Variants in AHCYL2 observed in about 807,000 individuals in gnomAD.
AHCYL2 encodes the protein adenosylhomocysteinase like 2, also known as S-adenosylhomocysteine hydrolase-like protein 2.
In AHCYL2, 28 loss-of-function variants were observed where a neutral mutation model predicts 81.4. That is an observed-to-expected ratio of 0.34 (90% confidence interval 0.25 to 0.47). AHCYL2 has a LOEUF of 0.47. Among genes scored for constraint, AHCYL2 ranks in the 20% least tolerant of loss-of-function variants. AHCYL2 has a pLI of 1.00. For missense variants in AHCYL2, 551 were observed against 785.1 expected (o/e 0.70, Z 3.56); for synonymous variants, 272 against 290.2 (o/e 0.94, Z 0.64).
chr7:129,361,277 C>A (rs1376432693), intron 1 of AHCYL2, among the ~76,000 whole-genome samples: 2 of 152,194 alleles, frequency 1.3e-5, no homozygotes, highest in African/African-American at 4.8e-5. Context: ...CTCCAACACA[C>A]ACCAGGTAAC....
At position 129,338,261 on chromosome 7, in the gene AHCYL2, G is replaced by A. The variant is rs149717559; in HGVS notation, c.364-41377G>A. ...ACTCCTTGGCTCAAGCAATCCTCCT[G>A]CCTCAGCCTTCTGAGTAGCTAGGAC... is the stretch of plus-strand genomic sequence containing the variant. On this transcript the variant is annotated intron_variant, in intron 1 of 16. Coordinates refer to ENST00000325006, the MANE Select transcript of AHCYL2 (RefSeq NM_015328.4). 2.6e-5 allele frequency among the ~76,000 whole-genome samples: 4 copies of A among 151,884 alleles called. No individual in the cohort carries two copies. In the East Asian group the frequency reaches 7.7e-4, roughly 29 times the overall value.
intron 1 of AHCYL2, among the ~76,000 whole-genome samples, chr7:129,261,510 G>T (rs1370338662): frequency 6.6e-6 from 1 of 152,106 alleles, no homozygotes; most frequent in Non-Finnish European, 1.5e-5. Context: ...CCTACTTTAT[G>T]TTATTTCTCT....
At chr7:129,340,062 G>A (rs1793113816) in intron 1 of AHCYL2, among the ~76,000 whole-genome samples, 1 of 150,698 alleles carries the variant, frequency 6.6e-6, no homozygotes, top group Non-Finnish European at 1.5e-5. Flanking sequence ...GGGACTACAG[G>A]CGCACTCCGC....
At chr7:129,228,101 G>T (rs1261650752) in intron 1 of AHCYL2, among the ~76,000 whole-genome samples, 2 of 152,122 alleles carry the variant, frequency 1.3e-5, no homozygotes, top group Non-Finnish European at 2.9e-5. Context: ...CTTTGACCTT[G>T]ACTCCTTACT....
chr7:129,225,366 G>A lies in AHCYL2; in HGVS notation c.290G>A (p.Arg97Gln). The change falls in exon 1 of 17, where the codon CGG becomes CAG. Residue 97 changes from arginine to glutamine, a missense_variant. Around this residue, in one of 2 missense-constraint regions of AHCYL2, gnomAD observed 235 missense variants for 242.1 expected, o/e 0.97. Coordinates refer to ENST00000325006, the MANE Select transcript of AHCYL2 (RefSeq NM_015328.4). ...KRSDPHHQHQ[R>Q]HRDGGEALVS... The stretch of plus-strand genomic sequence containing the variant: ...AGCGACCCACATCACCAGCACCAGC[G>A]GCACCGCGACGGCGGCGAGGCCCTG... 1 of 1,516,400 alleles carries A rather than the reference G, an allele frequency of 6.6e-7. No individual in the cohort carries two copies. Among genetic ancestry groups the A allele is most frequent in the Non-Finnish European group, 8.8e-7 (1 of 1,138,452 alleles). 93.9% of individuals were successfully genotyped at this position (1,516,400 alleles called of 1,614,324 possible).
intron 8 of AHCYL2, 85 bp from the exon 9 acceptor site, chr7:129,405,751 C>A: frequency 1.6e-6 from 2 of 1,275,458 alleles, no homozygotes; most frequent in Non-Finnish European, 2.2e-6. Context: ...AACCAAAAAA[C>A]CCCATGAAAA....
intron 1 of AHCYL2, among the ~76,000 whole-genome samples, chr7:129,333,629 A>G (rs1798497607): frequency 6.6e-6 from 1 of 152,170 alleles, no homozygotes; most frequent in African/African-American, 2.4e-5. Flanking sequence ...TGGGGAAAAA[A>G]AGTCATCTCT....
chr7:129,318,021 G>C (rs1797886841), intron 1 of AHCYL2, among the ~76,000 whole-genome samples: 1 of 152,090 alleles, frequency 6.6e-6, no homozygotes, highest in Non-Finnish European at 1.5e-5. Flanking sequence ...AATATATTTA[G>C]TTGTTTTATT....
intron 1 of AHCYL2, among the ~76,000 whole-genome samples, chr7:129,272,729 T>C (rs563611272): frequency 6.6e-6 from 1 of 152,230 alleles, no homozygotes; most frequent in South Asian, 2.1e-4. Flanking sequence ...GTTGAAAAAA[T>C]GTTACCTAGT....
At chr7:129,240,169 C>T (rs112608753) in intron 1 of AHCYL2, among the ~76,000 whole-genome samples, 1,616 of 151,902 alleles carry the variant, frequency 0.011, 38 homozygotes, top group African/African-American at 0.037. Context: ...GAGCCGAGAT[C>T]GCGCCATTGC....
At chr7:129,405,314 G>A in intron 8 of AHCYL2, 101 bp downstream of exon 8, 1 of 657,612 alleles carries the variant, frequency 1.5e-6, no homozygotes, top group Non-Finnish European at 2.5e-6. Flanking sequence ...AGCACCTCTG[G>A]ATAATGTCTC....
intron 1 of AHCYL2, among the ~76,000 whole-genome samples, chr7:129,286,084 A>G (rs762135372): frequency 2.0e-5 from 3 of 152,116 alleles, no homozygotes; most frequent in Non-Finnish European, 4.4e-5. Flanking sequence ...AGTTATATCA[A>G]ACCAACTAGT....
intron 7 of AHCYL2, among the ~76,000 whole-genome samples, chr7:129,404,817 C>A (rs1451933237): frequency 6.6e-6 from 1 of 152,206 alleles, no homozygotes; most frequent in East Asian, 1.9e-4. Flanking sequence ...CCCGCTCCCA[C>A]TCTCCCACTT....
chr7:129,316,387 T>A, intron 1 of AHCYL2, among the ~76,000 whole-genome samples: 1 of 152,126 alleles, frequency 6.6e-6, no homozygotes, highest in East Asian at 1.9e-4. Context: ...CTACAGAACT[T>A]TGTAAGAAGG....
At chr7:129,393,262 A>G (rs1795557191) in intron 4 of AHCYL2, among the ~76,000 whole-genome samples, 1 of 152,176 alleles carries the variant, frequency 6.6e-6, no homozygotes, top group Non-Finnish European at 1.5e-5. Flanking sequence ...ACAAAAAAAT[A>G]CAAAAGTTAG....
chr7:129,286,649 A>T (rs974464173), intron 1 of AHCYL2, among the ~76,000 whole-genome samples: 1 of 151,946 alleles, frequency 6.6e-6, no homozygotes, highest in East Asian at 1.9e-4. Context: ...TTTAGTAGAG[A>T]TGGGTTTCAC....
In AHCYL2 at chr7:129,225,205, C is replaced by T. The variant is rs1460205475; in HGVS notation, c.129C>T (p.Pro43=). Reference sequence around the variant, plus strand: ...CGGCCGCCGTGGGCGCCATGGCCCCCCCGGCGGGCGGTGGAGACCCTGAGG... The same window carrying T: ...CGGCCGCCGTGGGCGCCATGGCCCCTCCGGCGGGCGGTGGAGACCCTGAGG... ...LSTAAVGAMA[P]PAGGGDPEAP... The change falls in exon 1 of 17, where the codon CCC becomes CCT. Residue 43 remains proline, a synonymous_variant. Transcript: ENST00000325006. The T allele has an allele frequency of 3.2e-6, 5 of 1,546,792 alleles. No individual in the cohort carries two copies. In the South Asian group the frequency reaches 3.5e-5, roughly 11 times the overall value.
chr7:129,270,206 A>G (rs1795960942), intron 1 of AHCYL2, among the ~76,000 whole-genome samples: 1 of 152,156 alleles, frequency 6.6e-6, no homozygotes, highest in African/African-American at 2.4e-5. Context: ...GAGGGATTCT[A>G]CCTTCCTAAT....
At chr7:129,365,853 C>G (rs1008122163) in intron 1 of AHCYL2, among the ~76,000 whole-genome samples, 9 of 151,220 alleles carry the variant, frequency 6.0e-5, no homozygotes, top group African/African-American at 2.2e-4. Context: ...GCATCACAAA[C>G]ACAAAAAGTG....
Sources: allele counts gnomAD v4.1 joint callset (sites outside exome capture counted in the v4.1 genomes callset), GRCh38; gene constraint gnomAD v4.1.1; regional missense constraint gnomAD v4.1.1; transcripts MANE v1.5; gene names NCBI Gene and HGNC (gene_info 2026-07-23, HGNC 2026-07-21).